The following DENND1A variants were observed in gnomAD, a reference collection of about 807,000 sequenced individuals.
DENND1A encodes DENN domain containing 1A, also known as DENN domain-containing protein 1A.
A neutral mutation model predicts 113.7 loss-of-function variants in DENND1A; 51 were observed. That is an observed-to-expected ratio of 0.45 (90% confidence interval 0.36 to 0.57). The LOEUF (loss-of-function observed/expected upper bound fraction) is 0.57, where lower values mean the gene tolerates loss of function less well. DENND1A is among the 20% of genes least tolerant of loss of function. The pLI is 0.00. For synonymous variants in DENND1A, 565 were observed against 570.8 expected, an observed-to-expected ratio of 0.99 and a Z score of 0.14; for missense variants, 1,258 against 1,395.9, an observed-to-expected ratio of 0.90 and a Z score of 1.57.
chr9:123,384,017 G>T, intron 22 of DENND1A, 104 bp from the exon 23 acceptor site: 1 of 1,460,978 alleles, frequency 6.8e-7, no homozygotes, highest in Non-Finnish European at 9.2e-7. Context: ...TGCACGCAGG[G>T]GCCTGCGGGA....
At chr9:123,532,364 A>T (rs2055392160) in intron 13 of DENND1A, among the ~76,000 whole-genome samples, 1 of 152,238 alleles carries the variant, frequency 6.6e-6, no homozygotes, top group African/African-American at 2.4e-5. Context: ...ATACCAAAAG[A>T]AAATCCTGGA....
chr9:123,841,931 G>C (rs180989075), intron 2 of DENND1A, among the ~76,000 whole-genome samples: 67 of 152,292 alleles, frequency 4.4e-4, no homozygotes, highest in Admixed American at 1.2e-3. Context: ...GCTTCATTCA[G>C]TTTAATGAGC....
chr9:123,687,447 A>G (rs1022997721), intron 5 of DENND1A, among the ~76,000 whole-genome samples: 5 of 152,196 alleles, frequency 3.3e-5, no homozygotes, highest in African/African-American at 1.2e-4. Context: ...GAGGTTAAAT[A>G]AAGGAAGGGA....
intron 1 of DENND1A, among the ~76,000 whole-genome samples, chr9:123,886,153 G>A (rs561919640): frequency 1.2e-4 from 19 of 152,088 alleles, no homozygotes; most frequent in Non-Finnish European, 2.1e-4. Flanking sequence ...ACAGTATTTA[G>A]GCAGCAGCAA....
chr9:123,553,389 TTTTAAA>T (rs1247745401), intron 13 of DENND1A, among the ~76,000 whole-genome samples: 2 of 130,672 alleles, frequency 1.5e-5, no homozygotes, highest in African/African-American at 3.2e-5. Flanking sequence ...ACATTTGCCT[TTTTAAA>T]AGCCGCCCCC....
intron 13 of DENND1A, among the ~76,000 whole-genome samples, chr9:123,495,883 T>C (rs561189637): frequency 3.9e-5 from 6 of 152,370 alleles, no homozygotes; most frequent in African/African-American, 9.6e-5. Context: ...ATTCTAGTAA[T>C]TAGCTGTCAG....
chr9:123,569,954 G>A (rs777619778), intron 12 of DENND1A, among the ~76,000 whole-genome samples: 4 of 152,122 alleles, frequency 2.6e-5, no homozygotes, highest in Non-Finnish European at 5.9e-5. Context: ...GTCCAAACTT[G>A]TTTTTGTGAC....
chr9:123,464,994 CAAAAAAAAAAAAA>C (rs10655282), intron 13 of DENND1A, among the ~76,000 whole-genome samples: 835 of 70,572 alleles, frequency 0.012, 8 homozygotes, highest in Non-Finnish European at 0.016. Flanking sequence ...ACTAAAAATA[CAAAAAAAAAAAAA>C]AAAAAAAAAA....
chr9:123,433,936 C>T (rs879314644), intron 19 of DENND1A, among the ~76,000 whole-genome samples: 1 of 152,200 alleles, frequency 6.6e-6, no homozygotes, highest in African/African-American at 2.4e-5. Flanking sequence ...TCCGGGGACA[C>T]CTATGACTGA....
At chr9:123,664,625 C>T (rs2063407218) in intron 8 of DENND1A, among the ~76,000 whole-genome samples, 1 of 152,030 alleles carries the variant, frequency 6.6e-6, no homozygotes, top group African/African-American at 2.4e-5. Context: ...CCCTAAGGCA[C>T]TTGTTTAGTG....
chr9:123,768,227 T>G (rs1172486396), intron 4 of DENND1A, among the ~76,000 whole-genome samples: 1 of 152,188 alleles, frequency 6.6e-6, no homozygotes, highest in Non-Finnish European at 1.5e-5. Flanking sequence ...AATGGTTGAT[T>G]GGCTTAAGAA....
intron 18 of DENND1A, among the ~76,000 whole-genome samples, chr9:123,443,177 C>T (rs1000365183): frequency 6.6e-6 from 1 of 152,136 alleles, no homozygotes. Context: ...TATGGGAGTC[C>T]TGGTGCTTTT....
chr9:123,797,482 C>CT (rs1357935151), intron 2 of DENND1A, among the ~76,000 whole-genome samples: 1 of 152,090 alleles, frequency 6.6e-6, no homozygotes, highest in Admixed American at 6.6e-5. Flanking sequence ...AATAAGCTTT[C>CT]TTTTAATCCT....
At position 123,674,839 on chromosome 9, in the gene DENND1A, CTCT is replaced by C. The variant is rs1170026310; in HGVS notation, c.372+1878_372+1880del. ...GTTCTTTGTTTTGCTGAGTTTTTTT[CTCT>C]TTTTTTTTTTTTTTTGGACTGGAAC... On this transcript the variant is annotated intron_variant, in intron 6 of 23. Transcript: ENST00000394215. Among the ~76,000 whole-genome samples, 6 of 127,726 alleles carry C rather than the reference CTCT, an allele frequency of 4.7e-5. No homozygotes were observed. In the East Asian group the frequency reaches 1.0e-3, roughly 22 times the overall value. 83.8% of individuals were successfully genotyped at this position (127,726 alleles called of 152,430 possible).
At chr9:123,660,342 T>C (rs1467011259) in intron 8 of DENND1A, among the ~76,000 whole-genome samples, 1 of 152,166 alleles carries the variant, frequency 6.6e-6, no homozygotes, top group Non-Finnish European at 1.5e-5. Context: ...GCACAGGGAA[T>C]TGGTTCATTA....
intron 9 of DENND1A, among the ~76,000 whole-genome samples, chr9:123,633,069 G>A (rs1170945248): frequency 2.0e-5 from 3 of 152,018 alleles, no homozygotes; most frequent in Non-Finnish European, 4.4e-5. Context: ...CACCATGCCC[G>A]GCTAATTTTT....
chr9:123,682,112 C>T (rs1190710497), intron 5 of DENND1A, among the ~76,000 whole-genome samples: 3 of 152,214 alleles, frequency 2.0e-5, no homozygotes, highest in Non-Finnish European at 4.4e-5. Flanking sequence ...CAGTGGATTT[C>T]AGCCTTATCA....
intron 11 of DENND1A, among the ~76,000 whole-genome samples, chr9:123,608,795 C>A (rs1307276306): frequency 6.6e-6 from 1 of 152,152 alleles, no homozygotes; most frequent in African/African-American, 2.4e-5. Context: ...AGTAGGAAAA[C>A]AGTTACGTTG....
At chr9:123,432,395 G>A (rs1323321101) in intron 19 of DENND1A, among the ~76,000 whole-genome samples, 1 of 152,226 alleles carries the variant, frequency 6.6e-6, no homozygotes, top group African/African-American at 2.4e-5. Context: ...CCACCAATTA[G>A]GGGCCACGCT....
Sources: allele counts gnomAD v4.1 joint callset (sites outside exome capture counted in the v4.1 genomes callset), GRCh38; gene constraint gnomAD v4.1.1; transcripts MANE v1.5; gene names NCBI Gene and HGNC (gene_info 2026-07-23, HGNC 2026-07-21).